Variants in ZDHHC14 observed in about 807,000 individuals in gnomAD.
ZDHHC14 encodes the protein zDHHC palmitoyltransferase 14.
Under a neutral mutation model 47.7 loss-of-function variants are expected in ZDHHC14, and 16 were observed. That is an observed-to-expected ratio of 0.34 (90% CI 0.23 to 0.51). The LOEUF (loss-of-function observed/expected upper bound fraction) is 0.51. ZDHHC14 is among the 20% of genes least tolerant of loss of function. The pLI, the probability that ZDHHC14 is intolerant of heterozygous loss-of-function variation, is 0.97. For synonymous variants in ZDHHC14, 293 were observed against 278.9 expected (o/e 1.05, Z -0.50); for missense variants, 515 against 662.5 (o/e 0.78, Z 2.44).
chr6:157,650,437 C>T (rs998341974), intron 7 of ZDHHC14, among the ~76,000 whole-genome samples: 15 of 151,962 alleles, frequency 9.9e-5, no homozygotes, highest in African/African-American at 2.2e-4. Context: ...AGGAGAAGGA[C>T]GGGCAGAGCC....
At chr6:157,536,585 A>G (rs1285605052) in intron 1 of ZDHHC14, among the ~76,000 whole-genome samples, 2 of 152,212 alleles carry the variant, frequency 1.3e-5, no homozygotes, top group Non-Finnish European at 2.9e-5. Context: ...TAATTACCCA[A>G]TAATGAAATC....
At chr6:157,412,407 C>A (rs1006576408) in intron 1 of ZDHHC14, among the ~76,000 whole-genome samples, 3 of 152,096 alleles carry the variant, frequency 2.0e-5, no homozygotes, top group Non-Finnish European at 2.9e-5. Flanking sequence ...GTTCTCCTGC[C>A]TCAGCCTCCC....
At chr6:157,523,631 C>A (rs4708837) in intron 1 of ZDHHC14, among the ~76,000 whole-genome samples, 11,620 of 151,794 alleles carry the variant, frequency 0.077, 561 homozygotes, top group Non-Finnish European at 0.11. Context: ...CACAGTGGCT[C>A]ATATCTGTAT....
At chr6:157,632,000 CA>C (rs1785764025) in intron 4 of ZDHHC14, 1 of 152,288 alleles carries the variant, frequency 6.6e-6, no homozygotes, top group Admixed American at 6.5e-5. Flanking sequence ...TTCACCCTCC[CA>C]GGTGTCGCCC....
intron 5 of ZDHHC14, among the ~76,000 whole-genome samples, chr6:157,636,281 T>C (rs1776970842): frequency 6.6e-6 from 1 of 152,096 alleles, no homozygotes; most frequent in Non-Finnish European, 1.5e-5. Context: ...TATACATGTG[T>C]ATATAGCTAT....
chr6:157,647,180 GC>G, intron 6 of ZDHHC14, 78 bp from the exon 7 acceptor site: 1 of 911,690 alleles, frequency 1.1e-6, no homozygotes. Flanking sequence ...TTCTTTATGA[GC>G]CTCTCATGGT....
chr6:157,578,777 G>T (rs1333783967), intron 2 of ZDHHC14, among the ~76,000 whole-genome samples: 4 of 152,192 alleles, frequency 2.6e-5, no homozygotes, highest in Non-Finnish European at 5.9e-5. Context: ...TGTGAAGAAG[G>T]TGCCTGCTTC....
chr6:157,388,879 G>A (rs1371312841), intron 1 of ZDHHC14, among the ~76,000 whole-genome samples: 1 of 152,142 alleles, frequency 6.6e-6, no homozygotes, highest in East Asian at 1.9e-4. Flanking sequence ...TCTTGGCCCA[G>A]TCTCATCTTC....
At chr6:157,392,817 C>T (rs1183863350) in intron 1 of ZDHHC14, among the ~76,000 whole-genome samples, 1 of 152,154 alleles carries the variant, frequency 6.6e-6, no homozygotes, top group Non-Finnish European at 1.5e-5. Context: ...CCTCTAGAGA[C>T]TTTGGAGGTA....
At chr6:157,503,118 C>T (rs531295644) in intron 1 of ZDHHC14, among the ~76,000 whole-genome samples, 15 of 152,358 alleles carry the variant, frequency 9.8e-5, no homozygotes, top group African/African-American at 3.6e-4. Flanking sequence ...CCAGAGATAG[C>T]AGGCTCCATG....
intron 1 of ZDHHC14, among the ~76,000 whole-genome samples, chr6:157,495,075 T>A (rs1049146494): frequency 2.6e-5 from 4 of 152,088 alleles, no homozygotes; most frequent in African/African-American, 9.7e-5. Flanking sequence ...TTTTTTTTTA[T>A]TTTTTCATTT....
At chr6:157,445,264 T>A (rs1035305512) in intron 1 of ZDHHC14, among the ~76,000 whole-genome samples, 1 of 152,108 alleles carries the variant, frequency 6.6e-6, no homozygotes, top group East Asian at 1.9e-4. Flanking sequence ...CCAAAAGAGA[T>A]GGAAAGATTC....
At chr6:157,426,349 G>C (rs1048195827) in intron 1 of ZDHHC14, among the ~76,000 whole-genome samples, 1 of 152,216 alleles carries the variant, frequency 6.6e-6, no homozygotes, top group African/African-American at 2.4e-5. Flanking sequence ...TCCAAGAAGA[G>C]AGGCAATTTT....
chr6:157,599,596 A>G (rs887606608), intron 3 of ZDHHC14, among the ~76,000 whole-genome samples: 1 of 152,132 alleles, frequency 6.6e-6, no homozygotes, highest in African/African-American at 2.4e-5. Context: ...TTAATGGTGG[A>G]TGGCCAATGA....
intron 2 of ZDHHC14, among the ~76,000 whole-genome samples, chr6:157,588,931 G>T (rs920889904): frequency 6.6e-6 from 1 of 152,040 alleles, no homozygotes; most frequent in Non-Finnish European, 1.5e-5. Context: ...GGATGCTGGT[G>T]GACCACTCTT....
chr6:157,524,390 T>A (rs1306096588), intron 1 of ZDHHC14, among the ~76,000 whole-genome samples: 3 of 152,092 alleles, frequency 2.0e-5, no homozygotes, highest in African/African-American at 7.2e-5. Flanking sequence ...TGCCTCGGCC[T>A]CCCAAAGTGC....
At chr6:157,575,475 C>T (rs556531831) in intron 2 of ZDHHC14, among the ~76,000 whole-genome samples, 4 of 152,264 alleles carry the variant, frequency 2.6e-5, no homozygotes, top group African/African-American at 9.6e-5. Flanking sequence ...TCAGATCTCC[C>T]GCTTACACTG....
chr6:157,583,378 C>T (rs2114876500), intron 2 of ZDHHC14, among the ~76,000 whole-genome samples: 1 of 152,240 alleles, frequency 6.6e-6, no homozygotes, highest in Non-Finnish European at 1.5e-5. Flanking sequence ...AAGTTGAGTA[C>T]AGTCAGTAGA....
chr6:157,396,725 G>A (rs982185790), intron 1 of ZDHHC14, among the ~76,000 whole-genome samples: 2 of 152,116 alleles, frequency 1.3e-5, no homozygotes, highest in African/African-American at 4.8e-5. Flanking sequence ...ATTTCAAGAG[G>A]TATGCTCTTG....
Sources: allele counts gnomAD v4.1 joint callset (sites outside exome capture counted in the v4.1 genomes callset), GRCh38; gene constraint gnomAD v4.1.1; transcripts MANE v1.5; gene names NCBI Gene and HGNC (gene_info 2026-07-23, HGNC 2026-07-21).